The following ATP2C1 variants were observed in gnomAD, a reference collection of about 807,000 sequenced individuals.
ATP2C1 encodes ATPase secretory pathway Ca2+ transporting 1, also known as calcium-transporting ATPase type 2C member 1.
A neutral mutation model predicts 120.5 loss-of-function variants in ATP2C1; 31 were observed. That is an observed-to-expected ratio of 0.26 (90% CI 0.19 to 0.35). The LOEUF is 0.35. Ranked by LOEUF, ATP2C1 falls within the 10% of genes least tolerant of loss-of-function variation. ATP2C1 has a pLI of 1.00. For missense variants in ATP2C1, 731 were observed against 1,107.5 expected (o/e 0.66, Z 4.83); for synonymous variants, 351 against 358.7 (o/e 0.98, Z 0.24).
intron 2 of ATP2C1, chr3:130,914,305 A>G (rs1033031110): frequency 4.6e-5 from 7 of 152,094 alleles, no homozygotes; most frequent in Admixed American, 2.6e-4. Context: ...GGCTTAAGCC[A>G]TATAGGTTTT....
intron 1 of ATP2C1, among the ~76,000 whole-genome samples, chr3:130,867,342 G>T (rs1481926744): frequency 9.3e-6 from 1 of 107,946 alleles, no homozygotes; most frequent in Non-Finnish European, 1.9e-5. Context: ...CTCCCTCACG[G>T]TCTCCCTCTG....
chr3:130,923,097 A>G (rs888483227), intron 2 of ATP2C1, among the ~76,000 whole-genome samples: 2 of 151,996 alleles, frequency 1.3e-5, no homozygotes, highest in African/African-American at 4.8e-5. Flanking sequence ...CGTCTGTCTC[A>G]TTTCTTAGGC....
At chr3:130,945,056 G>A (rs1324068963) in intron 8 of ATP2C1, among the ~76,000 whole-genome samples, 1 of 151,902 alleles carries the variant, frequency 6.6e-6, no homozygotes, top group Non-Finnish European at 1.5e-5. Context: ...TTTTCCACCT[G>A]TGATTGCTTG....
chr3:131,005,921 G>A (rs2063090955), downstream of ATP2C1, among the ~76,000 whole-genome samples: 1 of 152,096 alleles, frequency 6.6e-6, no homozygotes, highest in South Asian at 2.1e-4. Context: ...GATACATGTA[G>A]TAAGACACTT....
In ATP2C1 at chr3:130,920,497, T is replaced by C. The variant is rs570383983; in HGVS notation, c.7-9919T>C. On this transcript the variant is annotated intron_variant, in intron 2 of 27. Coordinates refer to ENST00000510168, the MANE Select transcript of ATP2C1 (RefSeq NM_001378687.1). Reference sequence around the variant, plus strand: ...AGTTGACCATATGTGTGTGGACTTATTTCTAGGCTTTCTTTCTGTGTTCTT... The same window carrying C: ...AGTTGACCATATGTGTGTGGACTTACTTCTAGGCTTTCTTTCTGTGTTCTT... 4.7e-4 allele frequency among the ~76,000 whole-genome samples: 71 copies of C among 152,332 alleles called. No individual in the cohort carries two copies. The South Asian group carries it at 0.014, about 31-fold the overall frequency.
At position 130,850,991 on chromosome 3, in the gene ATP2C1, C is replaced by T. The variant is rs541335502; in HGVS notation, c.108+63C>T. On this transcript the variant is annotated intron_variant, in intron 1 of 26. Coordinates refer to the ATP2C1 transcript ENST00000504381. ...TGCTTGTTCCTTGTTGCTTTTACGT[C>T]GCTTAGTGATTTCATTTGTGCTGGT... 10 of 908,986 alleles carry T rather than the reference C, an allele frequency of 1.1e-5. No homozygotes were observed. The Middle Eastern group carries it at 1.1e-3, about 101-fold the overall frequency. 56.3% of individuals were successfully genotyped at this position (908,986 alleles called of 1,614,324 possible). A position where few individuals can be genotyped will look rare whatever the true frequency, so the allele number is the denominator to read the frequency against.
intron 26 of ATP2C1, among the ~76,000 whole-genome samples, chr3:131,010,602 C>CA (rs2063284362): frequency 6.6e-6 from 1 of 152,202 alleles, no homozygotes; most frequent in Admixed American, 6.5e-5. Flanking sequence ...GACAGGTACT[C>CA]ACATGGGGAT....
At chr3:130,938,808 A>G (rs16835421) in intron 6 of ATP2C1, among the ~76,000 whole-genome samples, 2,131 of 152,334 alleles carry the variant, frequency 0.014, 30 homozygotes, top group East Asian at 0.076. Flanking sequence ...CCTACTTCAG[A>G]AGGATTCCTG....
intron 1 of ATP2C1, among the ~76,000 whole-genome samples, chr3:130,857,189 A>G (rs747473891): frequency 1.3e-5 from 2 of 152,210 alleles, no homozygotes; most frequent in Non-Finnish European, 2.9e-5. Flanking sequence ...TAAATGAGCT[A>G]TGTATTTACC....
chr3:130,885,931 G>C (rs1236857260), intron 1 of ATP2C1, among the ~76,000 whole-genome samples: 3 of 152,122 alleles, frequency 2.0e-5, no homozygotes, highest in Admixed American at 2.0e-4. Context: ...AGGGTTTGTT[G>C]TAAATATTCA....
chr3:130,970,405 CA>C (rs1205549348), intron 17 of ATP2C1, among the ~76,000 whole-genome samples: 26 of 150,836 alleles, frequency 1.7e-4, no homozygotes, highest in African/African-American at 4.9e-4. Context: ...CACACACACA[CA>C]CCCTTAAACT....
Position 130,964,128 on chromosome 3 carries a change from G to C in ATP2C1, c.1024+33G>C, listed in dbSNP as rs530010966. The C allele has an allele frequency of 3.1e-6, 5 of 1,609,648 alleles. No homozygotes were observed. In the African/African-American group the frequency reaches 5.3e-5, roughly 17 times the overall value. ...TGTGTTAAGAGCATTCTTATGCAATGATGCGTAAGTTTATGTCAATAGTGA... is the reference window on the plus strand; with the variant it reads ...TGTGTTAAGAGCATTCTTATGCAATCATGCGTAAGTTTATGTCAATAGTGA... On this transcript the variant is annotated intron_variant, in intron 13 of 27. Coordinates refer to ENST00000510168, the MANE Select transcript of ATP2C1 (RefSeq NM_001378687.1).
At position 130,869,044 on chromosome 3, in the gene ATP2C1, A is replaced by G. The variant is rs190827104; in HGVS notation, c.108+18116A>G. 5.8e-3 allele frequency: 1,219 copies of G among 208,906 alleles called. 41 individuals carry two copies. The highest frequency in any genetic ancestry group is 0.027 in the African/African-American group (1,115 of 40,650). The allele number at this position is 208,906 out of a possible 1,614,324, so 12.9% of individuals were successfully genotyped here. ...TGGTTGCCGGGTCTGTATGGATAGA[A>G]GTAGACATGGGAGACTTTTCATTTT... On this transcript the variant is annotated intron_variant, in intron 1 of 26. Transcript: ENST00000504381.
intron 2 of ATP2C1, among the ~76,000 whole-genome samples, chr3:130,917,060 A>G (rs998680935): frequency 6.6e-6 from 1 of 152,188 alleles, no homozygotes; most frequent in Non-Finnish European, 1.5e-5. Flanking sequence ...TTCAGTAGAA[A>G]CTGTACTTCT....
chr3:130,937,409 G>A lies in ATP2C1; in HGVS notation c.325-19G>A, dbSNP rs941234564. The A allele has an allele frequency of 8.1e-6, 13 of 1,610,310 alleles. No homozygotes were observed. The highest frequency in any genetic ancestry group is 1.7e-5 in the Admixed American group (1 of 59,984). Reference sequence around the variant, plus strand: ...TCTCAAGTTAATGTCTGATTTAAAAGCCTGTTTCTTTTGTTTAGGCAATAC... The same window carrying A: ...TCTCAAGTTAATGTCTGATTTAAAAACCTGTTTCTTTTGTTTAGGCAATAC... On this transcript the variant is annotated intron_variant, in intron 5 of 27. Coordinates refer to ENST00000510168, the MANE Select transcript of ATP2C1 (RefSeq NM_001378687.1).
chr3:130,997,863 T>C (rs116087687), intron 25 of ATP2C1, 110 bp downstream of exon 25: 17,299 of 1,127,968 alleles, frequency 0.015, 145 homozygotes, highest in Non-Finnish European at 0.019. Context: ...GGGAGCTCTT[T>C]TAGTGAAAAA....
chr3:130,941,958 A>T (rs1490907696), intron 8 of ATP2C1, among the ~76,000 whole-genome samples: 1 of 152,232 alleles, frequency 6.6e-6, no homozygotes, highest in Non-Finnish European at 1.5e-5. Flanking sequence ...TACAAAGATG[A>T]TATGACAGAA....
intron 2 of ATP2C1, among the ~76,000 whole-genome samples, chr3:130,907,209 C>G (rs1039293413): frequency 1.3e-5 from 2 of 152,004 alleles, no homozygotes; most frequent in Non-Finnish European, 2.9e-5. Context: ...AGATAATTAT[C>G]AGAGATATGG....
chr3:130,863,745 G>T (rs143979848), intron 1 of ATP2C1, among the ~76,000 whole-genome samples: 128 of 152,302 alleles, frequency 8.4e-4, no homozygotes, highest in African/African-American at 3.0e-3. Context: ...AGTCTCATGA[G>T]ATCTGATGGG....
Sources: gnomAD v4.1 joint callset for allele counts (sites outside exome capture counted in the v4.1 genomes callset) on GRCh38, gnomAD v4.1.1 for gene constraint, MANE v1.5 for transcripts, NCBI Gene and HGNC (gene_info 2026-07-23, HGNC 2026-07-21) for gene names.